Variants in NRG1 observed in about 807,000 individuals in gnomAD.
The protein encoded by NRG1 is neuregulin 1, also known as pro-neuregulin-1, membrane-bound isoform.
Under a neutral mutation model 63.8 loss-of-function variants are expected in NRG1, and 18 were observed. The observed-to-expected ratio is 0.28, with a 90% confidence interval of 0.19 to 0.42. The LOEUF (loss-of-function observed/expected upper bound fraction) is 0.42, where lower values mean the gene tolerates loss of function less well. Among genes scored for constraint, NRG1 ranks in the 10% least tolerant of loss-of-function variants. The pLI, the probability that NRG1 is intolerant of heterozygous loss-of-function variation, is 1.00. For missense variants in NRG1, 762 were observed against 814.7 expected (o/e 0.94, Z 0.79); for synonymous variants, 302 against 301.3 (o/e 1.00, Z -0.02).
At chr8:32,508,292 G>A (rs1486763675) in intron 1 of NRG1, among the ~76,000 whole-genome samples, 1 of 106,886 alleles carries the variant, frequency 9.4e-6, no homozygotes. Context: ...CAATATAAGG[G>A]CCATTTTTTT....
chr8:32,472,931 A>T (rs771064996), intron 1 of NRG1, among the ~76,000 whole-genome samples: 6 of 152,206 alleles, frequency 3.9e-5, no homozygotes, highest in Non-Finnish European at 7.3e-5. Context: ...TTTCTCCTGG[A>T]ATTCTAATAG....
chr8:32,459,748 C>T lies in NRG1; in HGVS notation c.38-136080C>T, dbSNP rs564461749. 6.0e-4 allele frequency among the ~76,000 whole-genome samples: 91 copies of T among 152,326 alleles called. 1 individual carries two copies. The South Asian group carries it at 8.7e-3, about 15-fold the overall frequency. On this transcript the variant is annotated intron_variant, in intron 1 of 10. Transcript: ENST00000519301. The stretch of plus-strand genomic sequence containing the variant: ...TTGATCTTATTTCCTGTCACTTTCC[C>T]ATTGTCTGTTATACCTCACAATCAC...
In NRG1 at chr8:32,549,485, A is replaced by C. The variant is rs1833723684; in HGVS notation, c.100+659A>C. On this transcript the variant is annotated intron_variant, in intron 1 of 11. Transcript: ENST00000356819. ...GAAATCTAGTCCAGTGTCAGGAATC[A>C]GCTCTGCCCCAAACAAGTTCTACAA... is the stretch of plus-strand genomic sequence containing the variant. Among the ~76,000 whole-genome samples, 5 of 152,256 alleles carry C rather than the reference A, an allele frequency of 3.3e-5. 2 individuals carry two copies. Among genetic ancestry groups the C allele is most frequent in the Admixed American group, 3.3e-4 (5 of 15,284 alleles).
intron 1 of NRG1, among the ~76,000 whole-genome samples, chr8:32,310,838 G>C (rs1198775725): frequency 6.6e-6 from 1 of 152,052 alleles, no homozygotes; most frequent in Non-Finnish European, 1.5e-5. Context: ...TTCATGCCCC[G>C]ACCAAGCTTG....
intron 1 of NRG1, among the ~76,000 whole-genome samples, chr8:32,015,570 G>T (rs181564085): frequency 6.6e-6 from 1 of 152,142 alleles, no homozygotes; most frequent in Non-Finnish European, 1.5e-5. Context: ...TGGTGTGTAT[G>T]TATAACATGG....
intron 1 of NRG1, among the ~76,000 whole-genome samples, chr8:32,370,596 G>A (rs559843418): frequency 5.3e-5 from 8 of 152,076 alleles, no homozygotes; most frequent in East Asian, 3.9e-4. Context: ...AGTGGCTCAC[G>A]CCTCTAATCC....
At chr8:32,363,047 G>T (rs956114638) in intron 1 of NRG1, among the ~76,000 whole-genome samples, 1 of 152,218 alleles carries the variant, frequency 6.6e-6, no homozygotes, top group Non-Finnish European at 1.5e-5. Context: ...TGAAGTTTCA[G>T]TCCATTAGTC....
At chr8:31,830,590 A>G (rs1825047621) in intron 1 of NRG1, among the ~76,000 whole-genome samples, 1 of 152,124 alleles carries the variant, frequency 6.6e-6, no homozygotes, top group African/African-American at 2.4e-5. Context: ...ACTGTGATCA[A>G]GATCTGCCTT....
chr8:32,764,513 AG>A, exon 12 of NRG1: 1 of 1,044,894 alleles, frequency 9.6e-7, no homozygotes, highest in Non-Finnish European at 1.3e-6. Flanking sequence ...AATAGAAAAC[AG>A]GAAAAAAACT....
chr8:31,810,780 A>T (rs1413048858), intron 1 of NRG1, among the ~76,000 whole-genome samples: 1 of 152,230 alleles, frequency 6.6e-6, no homozygotes, highest in Admixed American at 6.5e-5. Context: ...AAATAGAAAC[A>T]TGACCAGGGT....
chr8:32,048,442 CAT>C (rs746098368), intron 1 of NRG1, among the ~76,000 whole-genome samples: 13 of 134,856 alleles, frequency 9.6e-5, no homozygotes, highest in South Asian at 2.3e-4. Context: ...CACATATATA[CAT>C]ACATATATAT....
chr8:32,217,213 CAAAAAAAAAAAAAAA>C (rs538507645), intron 1 of NRG1, among the ~76,000 whole-genome samples: 4 of 101,160 alleles, frequency 4.0e-5, no homozygotes, highest in Admixed American at 1.1e-4. Context: ...GACCCTGTCT[CAAAAAAAAAAAAAAA>C]AAAAAAAAAA....
intron 1 of NRG1, among the ~76,000 whole-genome samples, chr8:32,445,893 A>G (rs776559883): frequency 6.6e-6 from 1 of 152,062 alleles, no homozygotes; most frequent in Non-Finnish European, 1.5e-5. Context: ...ACATGAGAAG[A>G]GGCTGTGGGG....
intron 1 of NRG1, among the ~76,000 whole-genome samples, chr8:32,239,622 C>A (rs1351508): frequency 0.75 from 113,369 of 152,046 alleles, 43,350 homozygotes; most frequent in African/African-American, 0.91. Context: ...TTAAAAGAAA[C>A]ACTACAGAGC....
chr8:31,657,963 C>T (rs751729749), intron 1 of NRG1, among the ~76,000 whole-genome samples: 4 of 152,154 alleles, frequency 2.6e-5, no homozygotes, highest in Admixed American at 6.6e-5. Context: ...TCTCTGCCAA[C>T]GTGGGTACCT....
intron 1 of NRG1, among the ~76,000 whole-genome samples, chr8:31,680,118 C>T (rs538410259): frequency 2.0e-5 from 3 of 152,062 alleles, no homozygotes; most frequent in Admixed American, 6.5e-5. Context: ...TATGATTCTC[C>T]TAAAATTGTT....
chr8:32,538,272 C>T (rs919937567), intron 1 of NRG1, among the ~76,000 whole-genome samples: 2 of 152,112 alleles, frequency 1.3e-5, no homozygotes, highest in African/African-American at 4.8e-5. Context: ...CAAAAAATAT[C>T]AACTATATGT....
At chr8:32,167,070 A>G (rs1839480703) in intron 1 of NRG1, among the ~76,000 whole-genome samples, 1 of 152,228 alleles carries the variant, frequency 6.6e-6, no homozygotes, top group Non-Finnish European at 1.5e-5. Context: ...TTTTAAGCTA[A>G]TGAGTTTGAA....
intron 1 of NRG1, among the ~76,000 whole-genome samples, chr8:31,892,343 T>C (rs946881255): frequency 1.3e-5 from 2 of 152,092 alleles, no homozygotes; most frequent in Non-Finnish European, 2.9e-5. Context: ...TCCCTTTCAG[T>C]TTTTGTTTCA....
Sources: gnomAD v4.1 joint callset for allele counts (sites outside exome capture counted in the v4.1 genomes callset) on GRCh38, gnomAD v4.1.1 for gene constraint, MANE v1.5 for transcripts, NCBI Gene and HGNC (gene_info 2026-07-23, HGNC 2026-07-21) for gene names.